Variants in ATP8A2 observed in about 807,000 individuals in gnomAD.
ATP8A2 encodes the protein ATPase phospholipid transporting 8A2, also known as phospholipid-transporting ATPase IB.
A neutral mutation model predicts 165.6 loss-of-function variants in ATP8A2; 100 were observed. That is an observed-to-expected ratio of 0.60 (90% CI 0.51 to 0.71). ATP8A2 has a LOEUF of 0.71. Ranked by LOEUF, ATP8A2 falls within the 30% of genes least tolerant of loss-of-function variation. The pLI, the probability that ATP8A2 is intolerant of heterozygous loss-of-function variation, is 0.00. For missense variants in ATP8A2, 1,227 were observed against 1,479.5 expected (o/e 0.83, Z 2.80); for synonymous variants, 543 against 548.8 (o/e 0.99, Z 0.15).
intron 24 of ATP8A2, among the ~76,000 whole-genome samples, chr13:25,598,790 T>A (rs1255726145): frequency 6.6e-6 from 1 of 152,208 alleles, no homozygotes; most frequent in Non-Finnish European, 1.5e-5. Context: ...TCTAGTAATT[T>A]TTTTTATTGT....
At chr13:25,928,372 T>C (rs187009896) in intron 33 of ATP8A2, among the ~76,000 whole-genome samples, 68 of 152,368 alleles carry the variant, frequency 4.5e-4, no homozygotes, top group Admixed American at 2.9e-3. Context: ...ATGAACATCA[T>C]TGAAATTTTT....
intron 33 of ATP8A2, among the ~76,000 whole-genome samples, chr13:25,928,850 G>A (rs1379248061): frequency 6.6e-6 from 1 of 152,118 alleles, no homozygotes; most frequent in East Asian, 1.9e-4. Flanking sequence ...GTGAAAATAC[G>A]AAATCTGAAG....
chr13:25,403,288 T>G (rs1256547886), intron 1 of ATP8A2, among the ~76,000 whole-genome samples: 1 of 152,158 alleles, frequency 6.6e-6, no homozygotes, highest in Non-Finnish European at 1.5e-5. Context: ...TCCATTACTG[T>G]GAGACCTAGG....
chr13:25,520,644 A>G (rs1207708444), intron 2 of ATP8A2, among the ~76,000 whole-genome samples: 1 of 135,584 alleles, frequency 7.4e-6, no homozygotes, highest in Non-Finnish European at 1.5e-5. Flanking sequence ...TCTGTCTCCC[A>G]GGCTGGAGTG....
chr13:25,602,171 A>C (rs1271830438), intron 24 of ATP8A2, among the ~76,000 whole-genome samples: 1 of 152,184 alleles, frequency 6.6e-6, no homozygotes, highest in African/African-American at 2.4e-5. Context: ...ATTTGTTTTT[A>C]GGCATGTCCA....
At chr13:25,663,203 A>G (rs182802738) in intron 24 of ATP8A2, among the ~76,000 whole-genome samples, 6 of 152,366 alleles carry the variant, frequency 3.9e-5, no homozygotes, top group African/African-American at 1.2e-4. Context: ...TCCAAAGCCA[A>G]TGCAGCACCT....
At chr13:25,740,958 C>A (rs1389193393) in intron 25 of ATP8A2, among the ~76,000 whole-genome samples, 2 of 152,124 alleles carry the variant, frequency 1.3e-5, no homozygotes, top group African/African-American at 2.4e-5. Flanking sequence ...TTTAAACAGG[C>A]GTCTTTAGAT....
intron 24 of ATP8A2, among the ~76,000 whole-genome samples, chr13:25,657,077 AAAAAGAC>A: frequency 6.6e-6 from 1 of 150,686 alleles, no homozygotes; most frequent in Admixed American, 6.6e-5. Context: ...AAAAAAAAAA[AAAAAGAC>A]AGATAGTTTT....
intron 2 of ATP8A2, among the ~76,000 whole-genome samples, chr13:25,508,079 T>TA (rs151014887): frequency 2.2e-4 from 34 of 151,560 alleles, no homozygotes; most frequent in Middle Eastern, 3.4e-3. Flanking sequence ...GACAGTACTG[T>TA]AAAAAAAAAC....
intron 9 of ATP8A2, among the ~76,000 whole-genome samples, 195 bp downstream of exon 9, chr13:25,542,241 C>A (rs940054817): frequency 2.6e-5 from 4 of 152,244 alleles, no homozygotes; most frequent in African/African-American, 7.2e-5. Context: ...AGGCTCAAAG[C>A]ATGTGGCATA....
At chr13:25,451,561 C>T (rs898793755) in intron 1 of ATP8A2, among the ~76,000 whole-genome samples, 7 of 152,040 alleles carry the variant, frequency 4.6e-5, no homozygotes, top group South Asian at 2.1e-4. Flanking sequence ...TTTACTTTGT[C>T]GATTTGTGTG....
At chr13:25,459,261 A>G (rs2035442611) in intron 1 of ATP8A2, among the ~76,000 whole-genome samples, 3 of 152,176 alleles carry the variant, frequency 2.0e-5, no homozygotes, top group Admixed American at 2.0e-4. Flanking sequence ...TACCAACAAA[A>G]CTGGACATTT....
At chr13:25,531,467 G>GTT (rs1555291433) in intron 4 of ATP8A2, among the ~76,000 whole-genome samples, 1 of 138,344 alleles carries the variant, frequency 7.2e-6, no homozygotes, top group Non-Finnish European at 1.5e-5. Context: ...TTATATATAT[G>GTT]TTATATATAT....
chr13:25,507,597 G>A (rs992838685), intron 2 of ATP8A2, among the ~76,000 whole-genome samples: 8 of 152,100 alleles, frequency 5.3e-5, no homozygotes, highest in Non-Finnish European at 1.0e-4. Flanking sequence ...AAGTGGCTAT[G>A]TGTCAGGATG....
rs561952157 is a variant in ATP8A2, at chr13:25,674,267, C to T, written c.2212-24906C>T. 2.3e-3 allele frequency among the ~76,000 whole-genome samples: 349 copies of T among 150,910 alleles called. 3 individuals carry two copies. Among genetic ancestry groups the T allele is most frequent in the African/African-American group, 8.4e-3 (339 of 40,396 alleles). On this transcript the variant is annotated intron_variant, in intron 24 of 36. Transcript: ENST00000381655. ...ACTCCTATGAGGGTCCAGATGTGTC[C>T]CCCCCCGAAAACTAAATCTATAAGG...
At chr13:25,549,654 T>G (rs905716624) in intron 10 of ATP8A2, among the ~76,000 whole-genome samples, 7 of 152,064 alleles carry the variant, frequency 4.6e-5, no homozygotes, top group African/African-American at 1.7e-4. Flanking sequence ...AACCTGCTGT[T>G]ATTACTGTAC....
chr13:25,397,738 A>G (rs375331594), intron 1 of ATP8A2, among the ~76,000 whole-genome samples: 4 of 152,224 alleles, frequency 2.6e-5, no homozygotes, highest in East Asian at 1.9e-4. Context: ...TGGCTGGGTT[A>G]CAGCTTGATT....
chr13:25,582,075 T>A, intron 23 of ATP8A2, 118 bp downstream of exon 23: 1 of 1,049,586 alleles, frequency 9.5e-7, no homozygotes. Flanking sequence ...TATAGGAATC[T>A]TCATTCACAA....
chr13:25,623,170 G>C (rs1287969872), intron 24 of ATP8A2, among the ~76,000 whole-genome samples: 1 of 152,154 alleles, frequency 6.6e-6, no homozygotes, highest in African/African-American at 2.4e-5. Context: ...GATCGCTTGA[G>C]GCCAGGAATT....
Sources: gnomAD v4.1 joint callset for allele counts (sites outside exome capture counted in the v4.1 genomes callset) on GRCh38, gnomAD v4.1.1 for gene constraint, MANE v1.5 for transcripts, NCBI Gene and HGNC (gene_info 2026-07-23, HGNC 2026-07-21) for gene names.